ZZEF1: variants seen among roughly 807,000 people sequenced by gnomAD.
The protein encoded by ZZEF1 is zinc finger ZZ-type and EF-hand domain-containing protein 1.
In ZZEF1, 157 loss-of-function variants were observed where a neutral mutation model predicts 342.8. That is an observed-to-expected ratio of 0.46 (90% CI 0.40 to 0.52). ZZEF1 has a LOEUF of 0.52. ZZEF1 is among the 20% of genes least tolerant of loss of function. The pLI, the probability that ZZEF1 is intolerant of heterozygous loss-of-function variation, is 0.00. For missense variants in ZZEF1, 3,480 were observed against 3,725.6 expected, an observed-to-expected ratio of 0.93 and a Z score of 1.72; for synonymous variants, 1,505 against 1,429.1, an observed-to-expected ratio of 1.05 and a Z score of -1.20.
At chr17:4,018,181 T>C (rs1370134031) in intron 46 of ZZEF1, among the ~76,000 whole-genome samples, 2 of 152,220 alleles carry the variant, frequency 1.3e-5, no homozygotes, top group Non-Finnish European at 2.9e-5. Flanking sequence ...AGATGCAAAC[T>C]CTCCTGCAAA....
In ZZEF1 at chr17:4,077,999, G is replaced by C; in HGVS notation, c.2873C>G (p.Ser958Cys). The C allele has an allele frequency of 3.1e-6, 5 of 1,614,090 alleles. No homozygotes were observed. Among genetic ancestry groups the C allele is most frequent in the Non-Finnish European group, 4.2e-6 (5 of 1,180,018 alleles). ...MLSGAPGEVG[S>C]VLFSLFWSVQ... ...GGACCAGAACAGGGAGAAGAGCACA[G>C]AGCCCACCTCCCCTGGGGCCCCACT... The change falls in exon 19 of 55, where the codon TCT becomes TGT. Residue 958 changes from serine to cysteine, a missense_variant. This residue lies in a region of ZZEF1 where 1,528 missense variants were observed against 1,624.1 expected (regional missense o/e 0.94). Transcript: ENST00000381638.
intron 23 of ZZEF1, 64 bp from the exon 24 acceptor site, chr17:4,074,415 T>C (rs2057568918): frequency 2.0e-6 from 3 of 1,514,126 alleles, no homozygotes; most frequent in South Asian, 1.1e-5. Context: ...GAAATCAGCA[T>C]GCTCTTCATG....
intron 26 of ZZEF1, 144 bp downstream of exon 26, chr17:4,070,540 G>C: frequency 2.8e-6 from 3 of 1,066,938 alleles, no homozygotes; most frequent in Non-Finnish European, 3.9e-6. Flanking sequence ...CTTTTAATAG[G>C]CAAAGTAGAA....
In ZZEF1 at chr17:4,111,575, C is replaced by T. The variant is rs915780427; in HGVS notation, c.1066+1034G>A. On this transcript the variant is annotated intron_variant, in intron 5 of 54. Transcript: ENST00000381638. ...TCGGGAGACTAAGGCAGGAGAATTG[C>T]GTGAACCCCGGAGGTGGAGGTTGCA... Among the ~76,000 whole-genome samples, 50 of 149,870 alleles carry T rather than the reference C, an allele frequency of 3.3e-4. 1 individual carries two copies. Among genetic ancestry groups the T allele is most frequent in the African/African-American group, 9.1e-4 (37 of 40,676 alleles).
At chr17:4,069,093 A>C (rs1429100741) in intron 26 of ZZEF1, among the ~76,000 whole-genome samples, 1 of 152,248 alleles carries the variant, frequency 6.6e-6, no homozygotes, top group African/African-American at 2.4e-5. Context: ...GAGTTCCCAC[A>C]GTTGACTGTG....
chr17:4,059,466 G>A (rs1047982150), intron 30 of ZZEF1, among the ~76,000 whole-genome samples, 176 bp from the exon 31 acceptor site: 2 of 150,234 alleles, frequency 1.3e-5, no homozygotes, highest in African/African-American at 4.8e-5. Flanking sequence ...AACAGCAAGT[G>A]AGTCCCTCTG....
chr17:4,134,840 C>T (rs1377610905), intron 1 of ZZEF1, among the ~76,000 whole-genome samples: 1 of 152,068 alleles, frequency 6.6e-6, no homozygotes. Context: ...CAGAAAAAAA[C>T]AACCCTTAAA....
At chr17:4,129,615 G>A (rs1289102259) in intron 1 of ZZEF1, among the ~76,000 whole-genome samples, 1 of 152,000 alleles carries the variant, frequency 6.6e-6, no homozygotes, top group Non-Finnish European at 1.5e-5. Flanking sequence ...GAGGCGGATG[G>A]ATCACAAGGT....
chr17:4,086,857 C>T lies in ZZEF1; in HGVS notation c.2343-202G>A, dbSNP rs76982032. 8.3e-3 allele frequency among the ~76,000 whole-genome samples: 1,260 copies of T among 152,248 alleles called. 25 individuals are homozygous for T. The highest frequency in any genetic ancestry group is 0.072 in the East Asian group (370 of 5,164). ...TGGAAACAGATCCCATCTGACTCTG[C>T]CCACTGTGGGGAAGGAAGTTCATTT... is the stretch of plus-strand genomic sequence containing the variant. On this transcript the variant is annotated intron_variant, in intron 14 of 54. Transcript: ENST00000381638.
intron 6 of ZZEF1, among the ~76,000 whole-genome samples, chr17:4,106,846 A>G (rs1475757782): frequency 3.3e-5 from 5 of 152,230 alleles, no homozygotes; most frequent in African/African-American, 9.6e-5. Context: ...AAAATTCTAC[A>G]ACTGATAGTC....
rs138876528 is a variant in ZZEF1, at chr17:4,006,185, C to T, written c.*705G>A. The T allele has an allele frequency of 6.2e-3, 958 of 154,666 alleles. 7 individuals are homozygous for T. The highest frequency in any genetic ancestry group is 0.014 in the Middle Eastern group (4 of 294). The allele number at this position is 154,666 out of a possible 1,614,324, so 9.6% of individuals were successfully genotyped here. A position where few individuals can be genotyped will look rare whatever the true frequency, so the allele number is the denominator to read the frequency against. On this transcript the variant is annotated 3_prime_UTR_variant, in exon 55 of 55. Coordinates refer to ENST00000381638, the MANE Select transcript of ZZEF1 (RefSeq NM_015113.4). The stretch of plus-strand genomic sequence containing the variant: ...AGACAGTGTGGTTCTGCTCTAAAAA[C>T]GTGAGGTGGAAACTGAAATATGTCA...
chr17:4,044,664 G>A (rs1196652138), intron 37 of ZZEF1, among the ~76,000 whole-genome samples: 2 of 151,860 alleles, frequency 1.3e-5, no homozygotes. Context: ...GACTACAGGT[G>A]CGTGCCACCA....
rs766114546 is a variant in ZZEF1 at position 4,142,551 on chromosome 17, C to G, written c.345G>C (p.Gln115His). 5.0e-6 allele frequency: 8 copies of G among 1,598,268 alleles called. No homozygotes were observed. The highest frequency in any genetic ancestry group is 2.2e-5 in the South Asian group (2 of 90,234). ...EARGAGCSSE[Q>H]FEEAFAQFDA... ...GCCTGCCGGCCCTGACCTCCTCGAA[C>G]TGCTCGCTAGAGCAGCCGGCGCCGC... The change falls in exon 1 of 55, where the codon CAG becomes CAC. Residue 115 changes from glutamine (Q) to histidine (H), a missense_variant. By Grantham distance (24) the Gln-to-His change is conservative. This residue lies in a region of ZZEF1 where 416 missense variants were observed against 374.2 expected (regional missense o/e 1.11). Transcript: ENST00000381638.
chr17:4,070,862 A>G lies in ZZEF1; in HGVS notation c.3897T>C (p.Pro1299=). The part of the protein sequence containing the change: ...HFLLDFAQSE[P]AQNFCGPYSE... ...AATATGGCCCACAGAAGTTCTGAGC[A>G]GGCTCTGACTGGGCAAAATCAAGAA... The change falls in exon 26 of 55, where the codon CCT becomes CCC. Residue 1299 remains proline, a synonymous_variant. Coordinates refer to ENST00000381638, the MANE Select transcript of ZZEF1 (RefSeq NM_015113.4). The G allele has an allele frequency of 2.5e-6, 4 of 1,614,198 alleles. No homozygotes were observed. The highest frequency in any genetic ancestry group is 3.4e-6 in the Non-Finnish European group (4 of 1,180,028).
intron 37 of ZZEF1, among the ~76,000 whole-genome samples, chr17:4,049,126 TGA>T (rs1410816171): frequency 6.6e-6 from 1 of 152,174 alleles, no homozygotes; most frequent in African/African-American, 2.4e-5. Flanking sequence ...TCTAAGCACT[TGA>T]CATACAGTAG....
At chr17:4,010,551 C>T (rs1313353849) in intron 52 of ZZEF1, among the ~76,000 whole-genome samples, 2 of 151,156 alleles carry the variant, frequency 1.3e-5, no homozygotes, top group Non-Finnish European at 3.0e-5. Context: ...CAGTGAAACC[C>T]CGTCTCTACT....
At chr17:4,089,387 G>T (rs1295720525) in intron 12 of ZZEF1, among the ~76,000 whole-genome samples, 2 of 152,218 alleles carry the variant, frequency 1.3e-5, no homozygotes, top group Non-Finnish European at 2.9e-5. Flanking sequence ...AGCGCTCTTT[G>T]TTAAGGGCCT....
In ZZEF1 at chr17:4,017,790, G is replaced by C. The variant is rs761832525; in HGVS notation, c.7641+46C>G. 30 of 1,613,740 alleles carry C rather than the reference G, an allele frequency of 1.9e-5. No individual in the cohort carries two copies. Among genetic ancestry groups the C allele is most frequent in the Non-Finnish European group, 2.4e-5 (28 of 1,179,910 alleles). ...CCTTCTTACAGTGGTGGTATGGGGT[G>C]GGGGATGGGGTGCAGATACTTTGGG... is the stretch of plus-strand genomic sequence containing the variant. On this transcript the variant is annotated intron_variant, in intron 47 of 54. Transcript: ENST00000381638. This position sits in a 1 kb window ranked among gnomAD's most constrained non-coding sequence, Gnocchi z 5.1.
At chr17:4,137,770 G>A (rs1454387324) in intron 1 of ZZEF1, among the ~76,000 whole-genome samples, 1 of 152,230 alleles carries the variant, frequency 6.6e-6, no homozygotes, top group Non-Finnish European at 1.5e-5. Context: ...AGGCCAGACA[G>A]TATGCTCTAA....
Sources: gnomAD v4.1 joint callset for allele counts (sites outside exome capture counted in the v4.1 genomes callset) on GRCh38, gnomAD v4.1.1 for gene constraint, gnomAD v4.1.1 regional missense constraint, Gnocchi (gnomAD v3.1) non-coding constraint, MANE v1.5 for transcripts, NCBI Gene and HGNC (gene_info 2026-07-23, HGNC 2026-07-21) for gene names.